DPP10: variants seen among roughly 807,000 people sequenced by gnomAD.
The protein encoded by DPP10 is dipeptidyl peptidase like 10.
A neutral mutation model predicts 120.9 loss-of-function variants in DPP10; 33 were observed. That is an observed-to-expected ratio of 0.27 (90% CI 0.21 to 0.37). The LOEUF is 0.37. Among genes scored for constraint, DPP10 ranks in the 10% least tolerant of loss-of-function variants. DPP10 has a pLI of 1.00. For missense variants in DPP10, 816 were observed against 942.8 expected (o/e 0.87, Z 1.76); for synonymous variants, 337 against 326.1 (o/e 1.03, Z -0.36).
chr2:115,767,174 A>G (rs1027332422), intron 12 of DPP10, among the ~76,000 whole-genome samples: 1 of 152,168 alleles, frequency 6.6e-6, no homozygotes, highest in African/African-American at 2.4e-5. Context: ...AGGAAGATCC[A>G]GACCAAGGGA....
At chr2:115,134,655 A>C (rs1313872928) in intron 1 of DPP10, among the ~76,000 whole-genome samples, 1 of 152,162 alleles carries the variant, frequency 6.6e-6, no homozygotes, top group Admixed American at 6.6e-5. Context: ...TAGGGCCTTC[A>C]TCTAAAAAGA....
chr2:114,768,730 G>T (rs949752390), intron 1 of DPP10, among the ~76,000 whole-genome samples: 4 of 152,122 alleles, frequency 2.6e-5, no homozygotes, highest in African/African-American at 9.7e-5. Context: ...CAGAAAGAGA[G>T]GGTCAAATTA....
Position 115,844,601 on chromosome 2 carries a change from A to G in DPP10, c.*2256A>G, listed in dbSNP as rs894413432. ...AATGCTCACCAACACATAGTCACCA[A>G]CTATTAAAGGAATCATGTGATTGGA... is the stretch of plus-strand genomic sequence containing the variant. On this transcript the variant is annotated 3_prime_UTR_variant, in exon 26 of 26. Transcript: ENST00000410059. 2.0e-5 allele frequency: 3 copies of G among 152,116 alleles called. No homozygotes were observed. The highest frequency in any genetic ancestry group is 4.4e-5 in the Non-Finnish European group (3 of 68,012). The allele number at this position is 152,116 out of a possible 1,614,324, so 9.4% of individuals were successfully genotyped here.
At chr2:114,460,172 T>TCTATCTA (rs1196351122) in intron 1 of DPP10, among the ~76,000 whole-genome samples, 9 of 5,066 alleles carry the variant, frequency 1.8e-3, no homozygotes, top group African/African-American at 4.3e-3. Flanking sequence ...TGGGATGATA[T>TCTATCTA]CTATCTATCT....
At chr2:115,489,518 C>T (rs1026259864) in intron 3 of DPP10, among the ~76,000 whole-genome samples, 5 of 151,874 alleles carry the variant, frequency 3.3e-5, no homozygotes, top group Admixed American at 2.6e-4. Context: ...AATAACAAAA[C>T]AGTCCCTTTG....
chr2:115,229,030 C>A (rs543021830), intron 1 of DPP10, among the ~76,000 whole-genome samples: 1 of 152,094 alleles, frequency 6.6e-6, no homozygotes, highest in African/African-American at 2.4e-5. Context: ...AATATCCTTG[C>A]CAGCACTTAT....
chr2:115,652,376 A>G (rs1223089297), intron 5 of DPP10, among the ~76,000 whole-genome samples: 1 of 151,122 alleles, frequency 6.6e-6, no homozygotes, highest in Middle Eastern at 3.2e-3. Flanking sequence ...ATTAGTCTGG[A>G]TTCTCCAGAG....
chr2:115,391,713 A>G (rs2106543814), intron 3 of DPP10, among the ~76,000 whole-genome samples: 1 of 152,114 alleles, frequency 6.6e-6, no homozygotes, highest in African/African-American at 2.4e-5. Context: ...AATTTGTCCA[A>G]GATTCATTTC....
In DPP10 at chr2:115,393,976, T is replaced by C. The variant is rs1331568900; in HGVS notation, c.271+50064T>C. Reference sequence around the variant, plus strand: ...TAGTTGAATGTATACATTGAGGTCATTATATAGGGGAGATGAAGATTGGTG... The same window carrying C: ...TAGTTGAATGTATACATTGAGGTCACTATATAGGGGAGATGAAGATTGGTG... On this transcript the variant is annotated intron_variant, in intron 3 of 25. Coordinates refer to ENST00000410059, the MANE Select transcript of DPP10 (RefSeq NM_020868.6). Among the ~76,000 whole-genome samples the C allele has an allele frequency of 3.9e-5, 6 of 152,282 alleles. No individual in the cohort carries two copies. The East Asian group carries it at 1.2e-3, about 29-fold the overall frequency.
intron 3 of DPP10, among the ~76,000 whole-genome samples, chr2:115,456,367 G>T (rs555319483): frequency 6.6e-6 from 1 of 152,310 alleles, no homozygotes; most frequent in South Asian, 2.1e-4. Flanking sequence ...TGGTGGGACT[G>T]TAAATTAGTT....
chr2:115,776,559 A>T (rs1016467198), intron 13 of DPP10, among the ~76,000 whole-genome samples: 1 of 152,086 alleles, frequency 6.6e-6, no homozygotes, highest in Non-Finnish European at 1.5e-5. Flanking sequence ...ATCCATTCTA[A>T]TCAGTGTTCT....
intron 5 of DPP10, among the ~76,000 whole-genome samples, chr2:115,619,119 G>GTTT (rs11409177): frequency 2.4e-5 from 2 of 84,496 alleles, no homozygotes; most frequent in Non-Finnish European, 4.7e-5. Flanking sequence ...ATCATTTGTA[G>GTTT]TTTTTTTTTT....
intron 1 of DPP10, among the ~76,000 whole-genome samples, chr2:115,011,306 G>T (rs1395279366): frequency 6.6e-6 from 1 of 152,134 alleles, no homozygotes; most frequent in Admixed American, 6.5e-5. Context: ...GGATTATGTT[G>T]TCGTTTACCT....
intron 1 of DPP10, among the ~76,000 whole-genome samples, chr2:114,731,192 T>C (rs1676876723): frequency 6.6e-6 from 1 of 151,920 alleles, no homozygotes; most frequent in Non-Finnish European, 1.5e-5. Flanking sequence ...GATTTGTCCA[T>C]GCTCTGTGCC....
intron 1 of DPP10, among the ~76,000 whole-genome samples, chr2:114,705,293 A>AT (rs1574006335): frequency 1.3e-5 from 2 of 152,258 alleles, no homozygotes; most frequent in East Asian, 3.9e-4. Context: ...TAGCCTTGTT[A>AT]TACTGGATGT....
intron 1 of DPP10, among the ~76,000 whole-genome samples, chr2:114,607,691 C>T (rs1692929592): frequency 6.6e-6 from 1 of 152,152 alleles, no homozygotes; most frequent in Non-Finnish European, 1.5e-5. Context: ...TCATAGTCAT[C>T]AAACCTGAGA....
At position 114,740,424 on chromosome 2, in the gene DPP10, G is replaced by A. The variant is rs917066354; in HGVS notation, c.60+297586G>A. 5.4e-5 allele frequency among the ~76,000 whole-genome samples: 8 copies of A among 147,788 alleles called. No homozygotes were observed. The South Asian group carries it at 1.7e-3, about 32-fold the overall frequency. On this transcript the variant is annotated intron_variant, in intron 1 of 25. Transcript: ENST00000410059. The stretch of plus-strand genomic sequence containing the variant: ...CTAATGCTAAATGACGAGTTAATGG[G>A]TGCAGCACACCAGCATGGCACATGT...
chr2:115,320,412 TTTTC>T (rs1296443141), intron 2 of DPP10, among the ~76,000 whole-genome samples: 2 of 152,260 alleles, frequency 1.3e-5, no homozygotes, highest in African/African-American at 2.4e-5. Flanking sequence ...TACGTGTTTT[TTTTC>T]TTTAAGTCCT....
intron 1 of DPP10, among the ~76,000 whole-genome samples, chr2:114,535,339 T>G (rs1686393064): frequency 6.6e-6 from 1 of 152,182 alleles, no homozygotes; most frequent in Non-Finnish European, 1.5e-5. Flanking sequence ...TTTAGGATAG[T>G]CAAGCTTTCA....
Sources: gnomAD v4.1 joint callset for allele counts (sites outside exome capture counted in the v4.1 genomes callset) on GRCh38, gnomAD v4.1.1 for gene constraint, MANE v1.5 for transcripts, NCBI Gene and HGNC (gene_info 2026-07-23, HGNC 2026-07-21) for gene names.